CFAP299: variants seen among roughly 807,000 people sequenced by gnomAD.
CFAP299 encodes the protein cilia- and flagella-associated protein 299.
In CFAP299, 21 loss-of-function variants were observed where a neutral mutation model predicts 27.0. The ratio of observed to expected loss-of-function variants is 0.78; its 90% CI spans 0.55 to 1.12. The LOEUF is 1.12. CFAP299 is among the 50% of genes most tolerant of loss of function. The probability of loss-of-function intolerance (pLI) is 0.00; values close to 1 mark genes in which losing one functional copy is unlikely to be tolerated. For missense variants in CFAP299, 310 were observed against 276.6 expected, an observed-to-expected ratio of 1.12 and a Z score of -0.86; for synonymous variants, 104 against 98.1, an observed-to-expected ratio of 1.06 and a Z score of -0.36.
chr4:80,725,862 T>C (rs919206188), intron 3 of CFAP299, among the ~76,000 whole-genome samples: 10 of 152,150 alleles, frequency 6.6e-5, no homozygotes, highest in African/African-American at 2.4e-4. Flanking sequence ...TAGAGGACAC[T>C]TTCCTGTGTG....
At chr4:80,632,347 T>A (rs1295235718) in intron 3 of CFAP299, among the ~76,000 whole-genome samples, 1 of 152,184 alleles carries the variant, frequency 6.6e-6, no homozygotes, top group Admixed American at 6.5e-5. Context: ...AATTTGCTCA[T>A]TCATTCAATA....
At chr4:80,413,750 CTTTTT>C (rs66780627) in intron 2 of CFAP299, among the ~76,000 whole-genome samples, 5 of 108,310 alleles carry the variant, frequency 4.6e-5, no homozygotes, top group African/African-American at 1.4e-4. Flanking sequence ...TTGTGTCATT[CTTTTT>C]TTTTTTTTTT....
intron 3 of CFAP299, among the ~76,000 whole-genome samples, chr4:80,868,302 C>T (rs1732866169): frequency 6.6e-6 from 1 of 152,100 alleles, no homozygotes; most frequent in Non-Finnish European, 1.5e-5. Flanking sequence ...GAAATATATC[C>T]TGCAGAATTT....
chr4:80,684,276 G>C lies in CFAP299; in HGVS notation c.333+101093G>C, dbSNP rs796537259. Among the ~76,000 whole-genome samples the C allele has an allele frequency of 1.7e-4, 7 of 40,176 alleles. No homozygotes were observed. In the Admixed American group the frequency reaches 1.9e-3, roughly 11 times the overall value. The allele number at this position is 40,176 out of a possible 152,430, so 26.4% of individuals were successfully genotyped here. A position where few individuals can be genotyped will look rare whatever the true frequency, so the allele number is the denominator to read the frequency against. ...ACTCTAAGATGACTTCTTTTTTTTG[G>C]GGGGGGGGGACGGAGCCTCACTTTG... On this transcript the variant is annotated intron_variant, in intron 3 of 5. Coordinates refer to ENST00000358105, the MANE Select transcript of CFAP299 (RefSeq NM_152770.3).
chr4:80,427,807 C>T (rs963763219), intron 2 of CFAP299, among the ~76,000 whole-genome samples: 1 of 152,148 alleles, frequency 6.6e-6, no homozygotes, highest in African/African-American at 2.4e-5. Context: ...TTTATTTCAA[C>T]TGCCTATAAT....
intron 3 of CFAP299, among the ~76,000 whole-genome samples, chr4:80,598,377 C>A (rs1166816274): frequency 2.6e-5 from 4 of 152,106 alleles, no homozygotes; most frequent in Admixed American, 2.0e-4. Context: ...TTGGCTTGTG[C>A]CAGTCATGTC....
In CFAP299 at chr4:80,944,891, A is replaced by C; in HGVS notation, c.558A>C (p.Leu186Phe). The part of the protein sequence containing the change: ...YQVIADNPEG[L>F]LFRYKRDRKI... Reference sequence around the variant, plus strand: ...TGATTGCCGATAATCCAGAAGGCTTACTTTTCAGATACAAAAGAGACAGAA... The same window carrying C: ...TGATTGCCGATAATCCAGAAGGCTTCCTTTTCAGATACAAAAGAGACAGAA... Residue 186 changes from leucine to phenylalanine, a missense_variant, in exon 5 of 6, where the codon TTA (leucine) becomes TTC (phenylalanine). Physicochemically the swap from Leu to Phe is conservative, Grantham distance 22. Coordinates refer to ENST00000358105, the MANE Select transcript of CFAP299 (RefSeq NM_152770.3). 1 of 1,613,004 alleles carries C rather than the reference A, an allele frequency of 6.2e-7. No individual in the cohort carries two copies.
intron 3 of CFAP299, among the ~76,000 whole-genome samples, chr4:80,663,177 C>G (rs1740954871): frequency 6.6e-6 from 1 of 151,800 alleles, no homozygotes; most frequent in African/African-American, 2.4e-5. Context: ...GATACATGTG[C>G]AAAATGTGCA....
intron 3 of CFAP299, among the ~76,000 whole-genome samples, chr4:80,796,850 C>CT (rs1727894010): frequency 6.6e-6 from 1 of 152,112 alleles, no homozygotes; most frequent in Non-Finnish European, 1.5e-5. Flanking sequence ...TCCATTTGCC[C>CT]TTTCCCACCA....
At chr4:80,810,595 C>T (rs1411348018) in intron 3 of CFAP299, among the ~76,000 whole-genome samples, 1 of 151,912 alleles carries the variant, frequency 6.6e-6, no homozygotes, top group Non-Finnish European at 1.5e-5. Context: ...ATCTATAAAC[C>T]AAGGAACACC....
intron 3 of CFAP299, among the ~76,000 whole-genome samples, chr4:80,623,802 GCAGA>G (rs1379362343): frequency 6.6e-6 from 1 of 152,078 alleles, no homozygotes; most frequent in Non-Finnish European, 1.5e-5. Context: ...ATTAGAATCT[GCAGA>G]CAGAGTCTCT....
At chr4:80,413,250 C>T (rs928805195) in intron 2 of CFAP299, among the ~76,000 whole-genome samples, 1 of 151,960 alleles carries the variant, frequency 6.6e-6, no homozygotes, top group Non-Finnish European at 1.5e-5. Context: ...ATTCCTTGAG[C>T]ATTGACTATG....
chr4:80,503,916 T>A (rs1420357701), intron 2 of CFAP299, among the ~76,000 whole-genome samples: 1 of 152,186 alleles, frequency 6.6e-6, no homozygotes, highest in Non-Finnish European at 1.5e-5. Context: ...ATCCAGCATG[T>A]AATTTATTGA....
chr4:80,905,225 C>T (rs1735122534), intron 4 of CFAP299, among the ~76,000 whole-genome samples: 1 of 152,156 alleles, frequency 6.6e-6, no homozygotes, highest in African/African-American at 2.4e-5. Flanking sequence ...ACTTTACAGT[C>T]AAATATTATC....
intron 3 of CFAP299, among the ~76,000 whole-genome samples, chr4:80,794,594 C>A (rs2110101186): frequency 6.6e-6 from 1 of 152,182 alleles, no homozygotes; most frequent in East Asian, 1.9e-4. Flanking sequence ...CATAGTAAGA[C>A]CAGTGAATTC....
intron 3 of CFAP299, among the ~76,000 whole-genome samples, chr4:80,756,736 T>C (rs912101618): frequency 6.6e-6 from 1 of 152,130 alleles, no homozygotes; most frequent in Admixed American, 6.5e-5. Context: ...CACAGAGCTA[T>C]ATGGCCCACA....
chr4:80,612,500 G>T (rs1047670924), intron 3 of CFAP299, among the ~76,000 whole-genome samples: 1 of 151,970 alleles, frequency 6.6e-6, no homozygotes, highest in Non-Finnish European at 1.5e-5. Flanking sequence ...AACATCATTT[G>T]CAGAAACATC....
At chr4:80,531,515 T>G (rs1412915978) in intron 2 of CFAP299, among the ~76,000 whole-genome samples, 1 of 152,194 alleles carries the variant, frequency 6.6e-6, no homozygotes, top group Non-Finnish European at 1.5e-5. Context: ...CAATTATACT[T>G]CTAAATTTCC....
intron 3 of CFAP299, among the ~76,000 whole-genome samples, chr4:80,818,073 G>C (rs529534586): frequency 6.6e-6 from 1 of 151,904 alleles, no homozygotes; most frequent in African/African-American, 2.4e-5. Context: ...TTATCATTCA[G>C]CTCCCACTTA....
Sources: allele counts gnomAD v4.1 joint callset (sites outside exome capture counted in the v4.1 genomes callset), GRCh38; gene constraint gnomAD v4.1.1; transcripts MANE v1.5; gene names NCBI Gene and HGNC (gene_info 2026-07-23, HGNC 2026-07-21).